PCDH15: variants seen among roughly 807,000 people sequenced by gnomAD.
The protein encoded by PCDH15 is protocadherin related 15, also known as protocadherin-15.
Under a neutral mutation model 178.5 loss-of-function variants are expected in PCDH15, and 129 were observed. The observed-to-expected ratio is 0.72, with a 90% confidence interval of 0.63 to 0.84. PCDH15 has a LOEUF of 0.84. PCDH15 is among the 40% of genes least tolerant of loss of function. The pLI, the probability that PCDH15 is intolerant of heterozygous loss-of-function variation, is 0.00. For synonymous variants in PCDH15, 800 were observed against 732.0 expected, an observed-to-expected ratio of 1.09 and a Z score of -1.50; for missense variants, 2,230 against 2,099.9, an observed-to-expected ratio of 1.06 and a Z score of -1.21.
chr10:54,403,098 C>CA (rs1430125583), intron 3 of PCDH15, among the ~76,000 whole-genome samples: 1 of 151,794 alleles, frequency 6.6e-6, no homozygotes, highest in Non-Finnish European at 1.5e-5. Flanking sequence ...ATAAGAAAGC[C>CA]AAAAAACCTT....
At chr10:54,035,447 A>C (rs1201298155) in intron 18 of PCDH15, among the ~76,000 whole-genome samples, 1 of 151,930 alleles carries the variant, frequency 6.6e-6, no homozygotes, top group African/African-American at 2.4e-5. Flanking sequence ...ATCTATGATT[A>C]GTGATCTTTT....
intron 15 of PCDH15, among the ~76,000 whole-genome samples, chr10:54,105,307 T>C (rs1210632375): frequency 4.1e-4 from 35 of 84,632 alleles, no homozygotes; most frequent in African/African-American, 2.7e-3. Flanking sequence ...TATATATATA[T>C]ATATATATAT....
At chr10:54,094,563 C>G (rs746474182) in intron 15 of PCDH15, among the ~76,000 whole-genome samples, 28 of 152,098 alleles carry the variant, frequency 1.8e-4, no homozygotes, top group Non-Finnish European at 4.1e-4. Flanking sequence ...GTTGTCAGGT[C>G]TGGAGGCAAG....
At chr10:54,298,063 C>T (rs564737495) in intron 8 of PCDH15, among the ~76,000 whole-genome samples, 3 of 152,174 alleles carry the variant, frequency 2.0e-5, no homozygotes, top group African/African-American at 7.2e-5. Context: ...CATCTGTTGA[C>T]CTGTGTTCTA....
chr10:55,058,413 T>A (rs1841356632), intron 2 of PCDH15, among the ~76,000 whole-genome samples: 1 of 152,054 alleles, frequency 6.6e-6, no homozygotes, highest in African/African-American at 2.4e-5. Context: ...TTTTGCCGTC[T>A]TGCTCAGGTT....
chr10:55,176,744 A>C (rs2120761), intron 1 of PCDH15, among the ~76,000 whole-genome samples: 1 of 151,668 alleles, frequency 6.6e-6, no homozygotes, highest in Admixed American at 6.6e-5. Context: ...GTACCTGAGG[A>C]TACTAAATTG....
chr10:53,921,942 G>A (rs1302102982), intron 25 of PCDH15, among the ~76,000 whole-genome samples: 1 of 152,092 alleles, frequency 6.6e-6, no homozygotes, highest in Non-Finnish European at 1.5e-5. Flanking sequence ...AAGACATTAT[G>A]AAATGTAGAT....
intron 35 of PCDH15, among the ~76,000 whole-genome samples, chr10:53,812,828 C>T (rs2075921602): frequency 6.6e-6 from 1 of 152,114 alleles, no homozygotes; most frequent in African/African-American, 2.4e-5. Context: ...TAGATTGGTA[C>T]ATATTTCTAT....
At chr10:55,178,064 C>T (rs1438139244) in intron 1 of PCDH15, among the ~76,000 whole-genome samples, 1 of 152,140 alleles carries the variant, frequency 6.6e-6, no homozygotes, top group East Asian at 1.9e-4. Context: ...TTTCCTAATC[C>T]TCCATGCCCA....
rs529928405 is a variant in PCDH15 at position 54,763,801 on chromosome 10, T to A, written c.-29+37124A>T. 4.0e-5 allele frequency among the ~76,000 whole-genome samples: 6 copies of A among 148,802 alleles called. No homozygotes were observed. The East Asian group carries it at 1.2e-3, about 29-fold the overall frequency. ...AATATACTATATAAATATGTACAAC[T>A]CTTATGTATCCATTAAATGTAAATA... On this transcript the variant is annotated intron_variant, in intron 1 of 37. Transcript: ENST00000644397.
intron 2 of PCDH15, among the ~76,000 whole-genome samples, chr10:54,541,048 A>T (rs540900353): frequency 2.0e-5 from 3 of 152,120 alleles, no homozygotes; most frequent in Admixed American, 2.0e-4. Flanking sequence ...TACAGCTAAC[A>T]TTAAACTAAA....
rs72800088 is a variant in PCDH15, at chr10:55,014,946, C to T, written c.-79-117446G>A. 1.8e-3 allele frequency among the ~76,000 whole-genome samples: 273 copies of T among 152,226 alleles called. 2 individuals are homozygous for T. Among genetic ancestry groups the T allele is most frequent in the Non-Finnish European group, 3.4e-3 (230 of 68,008 alleles). On this transcript the variant is annotated intron_variant, in intron 2 of 5. Coordinates refer to the PCDH15 transcript ENST00000458638. ...TTAATATTGTCTGTCTCTGGCTAGG[C>T]GCAGTGGCTCACACCCGTAATCTCA... is the stretch of plus-strand genomic sequence containing the variant.
chr10:53,966,462 C>T (rs1181316223), intron 21 of PCDH15, among the ~76,000 whole-genome samples: 1 of 151,750 alleles, frequency 6.6e-6, no homozygotes, highest in Admixed American at 6.6e-5. Context: ...TACTTCTTTC[C>T]AAAGTCTTTT....
At chr10:55,570,011 A>G (rs917698946) in intron 2 of PCDH15, among the ~76,000 whole-genome samples, 4 of 152,020 alleles carry the variant, frequency 2.6e-5, no homozygotes, top group African/African-American at 9.7e-5. Flanking sequence ...CAAAAAGCAT[A>G]TTTGTGCCTT....
Position 55,096,264 on chromosome 10 carries a change from T to C in PCDH15, c.-80+70312A>G, listed in dbSNP as rs1842448325. On this transcript the variant is annotated intron_variant, in intron 2 of 5. Transcript: ENST00000458638. ...TTTCCAACATCTGTGATAGTTAAAATGTATTTTCTTAGACATTAACTCAAT... is the reference window on the plus strand; with the variant it reads ...TTTCCAACATCTGTGATAGTTAAAACGTATTTTCTTAGACATTAACTCAAT... 1.3e-5 allele frequency among the ~76,000 whole-genome samples: 2 copies of C among 152,122 alleles called. 1 individual carries two copies. The highest frequency in any genetic ancestry group is 1.3e-4 in the Admixed American group (2 of 15,250).
intron 32 of PCDH15, chr10:53,822,039 A>G: frequency 1.2e-6 from 2 of 1,614,024 alleles, no homozygotes; most frequent in Non-Finnish European, 1.7e-6. Context: ...CATGTTAGCT[A>G]CTGATTTTTC....
intron 2 of PCDH15, among the ~76,000 whole-genome samples, chr10:55,431,686 T>G (rs548707045): frequency 2.3e-4 from 35 of 152,176 alleles, no homozygotes; most frequent in Non-Finnish European, 4.6e-4. Flanking sequence ...TAAAACACAC[T>G]AAATGAGTAA....
chr10:55,265,275 C>T (rs1324537198), intron 1 of PCDH15, among the ~76,000 whole-genome samples: 4 of 146,334 alleles, frequency 2.7e-5, no homozygotes, highest in Non-Finnish European at 5.9e-5. Context: ...GATACAGAGA[C>T]GATATATTGT....
intron 26 of PCDH15, 115 bp downstream of exon 26, chr10:53,903,128 C>T: frequency 8.3e-7 from 1 of 1,206,158 alleles, no homozygotes; most frequent in South Asian, 1.4e-5. Context: ...CTCCAAGTTT[C>T]AGGCTTTTGT....
Sources: allele counts gnomAD v4.1 joint callset (sites outside exome capture counted in the v4.1 genomes callset), GRCh38; gene constraint gnomAD v4.1.1; transcripts MANE v1.5; gene names NCBI Gene and HGNC (gene_info 2026-07-23, HGNC 2026-07-21).